MPPED2: variants seen among roughly 807,000 people sequenced by gnomAD.
MPPED2 encodes the protein metallophosphoesterase MPPED2.
Under a neutral mutation model 33.0 loss-of-function variants are expected in MPPED2, and 5 were observed. The observed-to-expected ratio is 0.15, with a 90% CI of 0.08 to 0.32. The LOEUF (loss-of-function observed/expected upper bound fraction) is 0.32. Among genes scored for constraint, MPPED2 ranks in the 10% least tolerant of loss-of-function variants. MPPED2 has a pLI of 1.00. For synonymous variants in MPPED2, 136 were observed against 141.9 expected, an observed-to-expected ratio of 0.96 and a Z score of 0.29; for missense variants, 275 against 372.1, an observed-to-expected ratio of 0.74 and a Z score of 2.15.
At chr11:30,443,808 A>G (rs1296233433) in intron 4 of MPPED2, among the ~76,000 whole-genome samples, 2 of 152,224 alleles carry the variant, frequency 1.3e-5, no homozygotes, top group Non-Finnish European at 2.9e-5. Context: ...AGTTCTCACC[A>G]TACGAATGAC....
chr11:30,425,636 T>C (rs1359057715), intron 4 of MPPED2: 1 of 152,148 alleles, frequency 6.6e-6, no homozygotes, highest in Admixed American at 6.5e-5. Context: ...ATTTTGGACA[T>C]GACTTGGTGC....
Position 30,414,212 on chromosome 11 carries a change from T to C in MPPED2, c.766+16A>G. ...AGGGGCACAAAATGTTTTGAATTCT[T>C]TTCCGCTGTTCTTACCTTCATGGAT... On this transcript the variant is annotated intron_variant, in intron 6 of 6. Transcript: ENST00000358117. 1 of 1,575,202 alleles carries C rather than the reference T, an allele frequency of 6.3e-7. No individual in the cohort carries two copies. The highest frequency in any genetic ancestry group is 8.7e-7 in the Non-Finnish European group (1 of 1,144,576).
At chr11:30,444,291 C>G (rs1370235209) in intron 4 of MPPED2, among the ~76,000 whole-genome samples, 1 of 152,130 alleles carries the variant, frequency 6.6e-6, no homozygotes, top group Admixed American at 6.6e-5. Flanking sequence ...GTGCTCGGGG[C>G]AGGGTTGTCA....
chr11:30,529,849 T>C (rs535398899), intron 3 of MPPED2, among the ~76,000 whole-genome samples: 1 of 152,328 alleles, frequency 6.6e-6, no homozygotes, highest in South Asian at 2.1e-4. Flanking sequence ...GTTACAGCCA[T>C]GTCTAACAAA....
At chr11:30,535,214 T>G (rs1954746000) in intron 3 of MPPED2, among the ~76,000 whole-genome samples, 1 of 152,194 alleles carries the variant, frequency 6.6e-6, no homozygotes, top group African/African-American at 2.4e-5. Flanking sequence ...CCCAAGTTAT[T>G]TTTGTTGGCT....
intron 2 of MPPED2, among the ~76,000 whole-genome samples, chr11:30,578,023 T>C (rs946742726): frequency 2.0e-5 from 3 of 152,098 alleles, no homozygotes; most frequent in Non-Finnish European, 4.4e-5. Context: ...GGTAGGTAGG[T>C]AGACAGAGAA....
chr11:30,392,727 T>G (rs1240254309), intron 6 of MPPED2, among the ~76,000 whole-genome samples: 1 of 152,290 alleles, frequency 6.6e-6, no homozygotes, highest in Non-Finnish European at 1.5e-5. Context: ...CATGAGATAG[T>G]AATGGATAGA....
chr11:30,474,849 A>C (rs1226536630), intron 4 of MPPED2, among the ~76,000 whole-genome samples: 3 of 152,184 alleles, frequency 2.0e-5, no homozygotes, highest in South Asian at 4.1e-4. Context: ...TTGATGTCTT[A>C]TTACTTGCAG....
downstream of MPPED2, among the ~76,000 whole-genome samples, chr11:30,406,774 TC>T (rs1393374565): frequency 5.9e-5 from 9 of 152,142 alleles, no homozygotes; most frequent in Admixed American, 5.9e-4. Flanking sequence ...CCTGGAACCT[TC>T]CCCACAAGCA....
intron 4 of MPPED2, among the ~76,000 whole-genome samples, chr11:30,429,905 C>G (rs1949005040): frequency 6.6e-6 from 1 of 151,918 alleles, no homozygotes. Context: ...GTCTTTTTTT[C>G]TCAAAATTAT....
At chr11:30,441,789 G>A (rs1274213950) in intron 4 of MPPED2, among the ~76,000 whole-genome samples, 1 of 152,024 alleles carries the variant, frequency 6.6e-6, no homozygotes, top group African/African-American at 2.4e-5. Flanking sequence ...GGGAACAAGT[G>A]CTGAGGCCTC....
At chr11:30,462,122 T>C (rs1950536845) in intron 4 of MPPED2, among the ~76,000 whole-genome samples, 1 of 152,338 alleles carries the variant, frequency 6.6e-6, no homozygotes, top group South Asian at 2.1e-4. Context: ...TTTGCCCTAC[T>C]TTTGGGCACA....
intron 4 of MPPED2, among the ~76,000 whole-genome samples, chr11:30,487,772 G>A (rs1464212958): frequency 6.6e-6 from 1 of 152,060 alleles, no homozygotes; most frequent in Non-Finnish European, 1.5e-5. Context: ...CACTGCACCT[G>A]GCCAATTTTT....
At position 30,411,519 on chromosome 11, in the gene MPPED2, T is replaced by C. The variant is rs771651726; in HGVS notation, c.834A>G (p.Gln278=). ...INASTCTVSF[Q]PTNPPIIFDL... ...CAAATATAATTGGAGGGTTGGTCGG[T>C]TGAAAGCTGACTGTACACGTCGAGG... Residue 278 remains glutamine (Q), a synonymous_variant, in exon 7 of 7, where the codon CAA becomes CAG. Transcript: ENST00000358117. 2 of 1,613,986 alleles carry C rather than the reference T, an allele frequency of 1.2e-6. No individual in the cohort carries two copies. Among genetic ancestry groups the C allele is most frequent in the Non-Finnish European group, 1.7e-6 (2 of 1,179,900 alleles).
intron 3 of MPPED2, among the ~76,000 whole-genome samples, 189 bp from the exon 4 acceptor site, chr11:30,495,710 G>A (rs1385282370): frequency 6.6e-6 from 1 of 152,162 alleles, no homozygotes; most frequent in Non-Finnish European, 1.5e-5. Flanking sequence ...CGGGAAATAG[G>A]AAGCTGCTAA....
intron 4 of MPPED2, among the ~76,000 whole-genome samples, chr11:30,448,896 T>C (rs481526): frequency 0.6 from 90,903 of 151,844 alleles, 28,592 homozygotes; most frequent in African/African-American, 0.81. Flanking sequence ...TCAGGTGATC[T>C]GCCTGCCTCG....
chr11:30,514,789 C>T (rs1315489299), intron 3 of MPPED2, among the ~76,000 whole-genome samples: 1 of 152,124 alleles, frequency 6.6e-6, no homozygotes, highest in Non-Finnish European at 1.5e-5. Flanking sequence ...CCAATATTTA[C>T]CTCTGTCAGG....
intron 4 of MPPED2, among the ~76,000 whole-genome samples, chr11:30,476,876 G>C (rs971308472): frequency 3.3e-5 from 5 of 151,950 alleles, no homozygotes; most frequent in African/African-American, 1.2e-4. Flanking sequence ...ATCTTCATTT[G>C]TTTAGGTCTT....
intron 1 of MPPED2, among the ~76,000 whole-genome samples, chr11:30,582,621 A>G (rs536976304): frequency 5.3e-5 from 8 of 152,356 alleles, no homozygotes; most frequent in Non-Finnish European, 1.2e-4. Context: ...TAATATTTAA[A>G]CATCTAGGTA....
Sources: gnomAD v4.1 joint callset for allele counts (sites outside exome capture counted in the v4.1 genomes callset) on GRCh38, gnomAD v4.1.1 for gene constraint, MANE v1.5 for transcripts, NCBI Gene and HGNC (gene_info 2026-07-23, HGNC 2026-07-21) for gene names.